The following LRRC7 variants were observed in gnomAD, a reference collection of about 807,000 sequenced individuals.
LRRC7 encodes leucine-rich repeat-containing protein 7.
A neutral mutation model predicts 175.7 loss-of-function variants in LRRC7; 23 were observed. That is an observed-to-expected ratio of 0.13 (90% CI 0.09 to 0.19). The LOEUF (loss-of-function observed/expected upper bound fraction) is 0.19. Among genes scored for constraint, LRRC7 ranks in the 10% least tolerant of loss-of-function variants. The pLI, the probability that LRRC7 is intolerant of heterozygous loss-of-function variation, is 1.00. For missense variants in LRRC7, 1,354 were observed against 1,904.7 expected, an observed-to-expected ratio of 0.71 and a Z score of 5.38; for synonymous variants, 685 against 680.9, an observed-to-expected ratio of 1.01 and a Z score of -0.09.
intron 2 of LRRC7, among the ~76,000 whole-genome samples, chr1:69,684,800 A>G (rs1660922590): frequency 6.6e-6 from 1 of 152,212 alleles, no homozygotes; most frequent in African/African-American, 2.4e-5. Context: ...GAGAGAGAAA[A>G]ACAACAGAGG....
intron 26 of LRRC7, among the ~76,000 whole-genome samples, chr1:70,118,532 A>G (rs1484154596): frequency 6.6e-6 from 1 of 152,208 alleles, no homozygotes; most frequent in Admixed American, 6.5e-5. Context: ...TTTAAGGGAA[A>G]AATGTTCATT....
chr1:69,884,636 G>C (rs1686980839), intron 7 of LRRC7, among the ~76,000 whole-genome samples: 1 of 138,606 alleles, frequency 7.2e-6, no homozygotes, highest in Non-Finnish European at 1.5e-5. Context: ...GCCCTGGCCA[G>C]AACTTCCAAC....
At chr1:69,802,956 A>G (rs373151045) in intron 4 of LRRC7, among the ~76,000 whole-genome samples, 1 of 151,302 alleles carries the variant, frequency 6.6e-6, no homozygotes, top group South Asian at 2.1e-4. Context: ...GTTTATTTCT[A>G]TGCTCTATAT....
intron 1 of LRRC7, among the ~76,000 whole-genome samples, chr1:69,651,732 C>T (rs1655859251): frequency 6.6e-6 from 1 of 152,080 alleles, no homozygotes. Context: ...CCATTCCCAA[C>T]ACCAAGAGAG....
intron 20 of LRRC7, 91 bp downstream of exon 20, chr1:70,036,715 C>T (rs1026850309): frequency 3.0e-5 from 41 of 1,369,706 alleles, no homozygotes; most frequent in Admixed American, 1.5e-4. Flanking sequence ...GAATTGTATT[C>T]GGCACACAAG....
At chr1:69,783,088 TTTG>T (rs554170843) in intron 3 of LRRC7, among the ~76,000 whole-genome samples, 40 of 152,294 alleles carry the variant, frequency 2.6e-4, no homozygotes, top group Admixed American at 9.1e-4. Flanking sequence ...CCACTTGCTT[TTTG>T]TTGTTGTTGC....
intron 1 of LRRC7, among the ~76,000 whole-genome samples, chr1:69,654,292 ATGT>A (rs2100500091): frequency 6.6e-6 from 1 of 152,212 alleles, no homozygotes; most frequent in African/African-American, 2.4e-5. Flanking sequence ...TGGTTTAATT[ATGT>A]TGTTATACTT....
At chr1:69,609,011 T>C (rs1209319829) in intron 1 of LRRC7, among the ~76,000 whole-genome samples, 3 of 150,686 alleles carry the variant, frequency 2.0e-5, no homozygotes, top group African/African-American at 4.9e-5. Context: ...TTTTATAAAA[T>C]TGGCATTTCT....
intron 7 of LRRC7, among the ~76,000 whole-genome samples, chr1:69,884,929 T>G (rs1385404950): frequency 6.7e-6 from 1 of 148,264 alleles, no homozygotes; most frequent in African/African-American, 2.6e-5. Flanking sequence ...TATTGATTTG[T>G]GTATATTGAA....
At chr1:69,923,653 G>GT (rs1403478165) in intron 7 of LRRC7, among the ~76,000 whole-genome samples, 4 of 152,068 alleles carry the variant, frequency 2.6e-5, no homozygotes, top group African/African-American at 9.7e-5. Flanking sequence ...GGTGTTATTT[G>GT]TTTTTTTCTT....
At chr1:69,780,567 T>G (rs1457433285) in intron 3 of LRRC7, among the ~76,000 whole-genome samples, 1 of 152,102 alleles carries the variant, frequency 6.6e-6, no homozygotes, top group African/African-American at 2.4e-5. Flanking sequence ...ATGTCACAAT[T>G]GGAAGCTTAC....
chr1:69,908,370 G>A (rs1237222341), intron 7 of LRRC7, among the ~76,000 whole-genome samples: 2 of 151,652 alleles, frequency 1.3e-5, no homozygotes, highest in Non-Finnish European at 2.9e-5. Flanking sequence ...GTCAATTTTG[G>A]ATCTTTCCTG....
At chr1:69,762,163 A>C (rs1671109690) in intron 3 of LRRC7, among the ~76,000 whole-genome samples, 1 of 152,010 alleles carries the variant, frequency 6.6e-6, no homozygotes, top group South Asian at 2.1e-4. Flanking sequence ...TAGCAACCCT[A>C]GGCCAATCTG....
chr1:70,047,677 A>G (rs911477654), intron 22 of LRRC7, among the ~76,000 whole-genome samples: 9 of 152,062 alleles, frequency 5.9e-5, no homozygotes, highest in African/African-American at 2.2e-4. Flanking sequence ...TATTTATTAC[A>G]TGTCAGATCA....
At chr1:69,790,467 C>G (rs1253959485) in intron 3 of LRRC7, among the ~76,000 whole-genome samples, 1 of 151,950 alleles carries the variant, frequency 6.6e-6, no homozygotes, top group South Asian at 2.1e-4. Context: ...ATTTATAAAA[C>G]AAACAAATTG....
chr1:69,787,935 CCTT>C (rs763804239), intron 3 of LRRC7, among the ~76,000 whole-genome samples: 181 of 151,994 alleles, frequency 1.2e-3, no homozygotes, highest in Admixed American at 2.3e-3. Context: ...TTTCTTTATT[CCTT>C]CTTCCCCCTC....
intron 8 of LRRC7, among the ~76,000 whole-genome samples, chr1:69,978,042 A>AC (rs1001365687): frequency 2.0e-5 from 3 of 152,186 alleles, no homozygotes; most frequent in African/African-American, 7.2e-5. Context: ...AAACAAAAAA[A>AC]CAAAAAAAGC....
Position 70,122,434 on chromosome 1 carries a change from T to C in LRRC7, c.*547T>C, listed in dbSNP as rs1453099556. On this transcript the variant is annotated 3_prime_UTR_variant, in exon 27 of 27. Transcript: ENST00000651989. ...TATCTTAAAATAAGACTTTACTATA[T>C]TGAATCTTTTTCAATAAAAATTACA... is the stretch of plus-strand genomic sequence containing the variant. 8 of 152,164 alleles carry C rather than the reference T, an allele frequency of 5.3e-5. No individual in the cohort carries two copies. The East Asian group carries it at 1.5e-3, about 29-fold the overall frequency. 9.4% of individuals were successfully genotyped at this position (152,164 alleles called of 1,614,324 possible). A position where few individuals can be genotyped will look rare whatever the true frequency, so the allele number is the denominator to read the frequency against.
chr1:69,815,418 A>C (rs1678468435), intron 4 of LRRC7, among the ~76,000 whole-genome samples: 1 of 152,152 alleles, frequency 6.6e-6, no homozygotes, highest in Non-Finnish European at 1.5e-5. Context: ...TATCCTCAGA[A>C]GGTTGGCTGT....
Sources: gnomAD v4.1 joint callset for allele counts (sites outside exome capture counted in the v4.1 genomes callset) on GRCh38, gnomAD v4.1.1 for gene constraint, MANE v1.5 for transcripts, NCBI Gene and HGNC (gene_info 2026-07-23, HGNC 2026-07-21) for gene names.